Variants in SART3 observed in about 807,000 individuals in gnomAD.
The protein encoded by SART3 is spliceosome associated factor 3, U4/U6 recycling protein, also known as HIV-1 Tat-interacting protein of 110kDa.
A neutral mutation model predicts 122.3 loss-of-function variants in SART3; 44 were observed. The ratio of observed to expected loss-of-function variants is 0.36; its 90% CI spans 0.28 to 0.46. SART3 has a LOEUF of 0.46. SART3 is among the 20% of genes least tolerant of loss of function. SART3 has a pLI of 1.00. For missense variants in SART3, 1,101 were observed against 1,229.0 expected, an observed-to-expected ratio of 0.90 and a Z score of 1.56; for synonymous variants, 442 against 454.0, an observed-to-expected ratio of 0.97 and a Z score of 0.34.
At chr12:108,527,170 G>A (rs748801297) in intron 15 of SART3, among the ~76,000 whole-genome samples, 12 of 152,146 alleles carry the variant, frequency 7.9e-5, no homozygotes, top group Non-Finnish European at 1.3e-4. Context: ...CCAATGCAAC[G>A]TAAGCCCTGC....
rs2029888031 is a variant in SART3 at position 108,549,091 on chromosome 12, C to T, written c.436G>A (p.Glu146Lys). 5.0e-6 allele frequency: 8 copies of T among 1,613,968 alleles called. No individual in the cohort carries two copies. The highest frequency in any genetic ancestry group is 4.0e-5 in the African/African-American group (3 of 74,936). The change falls in exon 2 of 19, where the codon GAA becomes AAA. Residue 146 changes from glutamate (E) to lysine (K), a missense_variant. By Grantham distance (56) the Glu-to-Lys change is moderately conservative (BLOSUM62 1). Around this residue, in one of 2 missense-constraint regions of SART3, gnomAD observed 885 missense variants for 1,080.1 expected, o/e 0.82. Transcript: ENST00000546815. Reference protein sequence around the residue: ...QKMSEIFPLTEELWLEWLHDE... With the variant: ...QKMSEIFPLTKELWLEWLHDE... ...CAGCCTGACTGCTGAAGCTTACCTTCAGTCAAGGGAAAGATTTCACTCATC... is the reference window on the plus strand; with the variant it reads ...CAGCCTGACTGCTGAAGCTTACCTTTAGTCAAGGGAAAGATTTCACTCATC...
intron 9 of SART3, 99 bp from the exon 10 acceptor site, chr12:108,536,884 C>T (rs899319350): frequency 1.2e-5 from 13 of 1,045,654 alleles, no homozygotes; most frequent in Middle Eastern, 2.2e-4. Context: ...CCACTATGTA[C>T]CTGGCATCAT....
rs545615190 is a variant in SART3 at position 108,558,243 on chromosome 12, T to C, written c.312+2600A>G. ...AAGGCCAAGTTTCTCACAGACCTAT[T>C]TGGAAGCAATTCATCATTATGCTCC... On this transcript the variant is annotated intron_variant, in intron 1 of 18. Coordinates refer to ENST00000546815, the MANE Select transcript of SART3 (RefSeq NM_014706.4). Among the ~76,000 whole-genome samples, 5 of 152,212 alleles carry C rather than the reference T, an allele frequency of 3.3e-5. No individual in the cohort carries two copies. In the South Asian group the frequency reaches 1.0e-3, roughly 32 times the overall value.
At position 108,522,769 on chromosome 12, in the gene SART3, C is replaced by T. The variant is rs1872184841; in HGVS notation, c.*688G>A. On this transcript the variant is annotated 3_prime_UTR_variant, in exon 19 of 19. Transcript: ENST00000546815. ...CATGGTATTAAACAAAACCAAAGGG[C>T]TGAAACTCATGTTTAGACAACACAG... The T allele has an allele frequency of 6.5e-6, 1 of 152,902 alleles. No homozygotes were observed. The highest frequency in any genetic ancestry group is 1.5e-5 in the Non-Finnish European group (1 of 68,564). 9.5% of individuals were successfully genotyped at this position (152,902 alleles called of 1,614,324 possible). A position where few individuals can be genotyped will look rare whatever the true frequency, so the allele number is the denominator to read the frequency against.
chr12:108,541,980 A>C (rs901443837), intron 6 of SART3, among the ~76,000 whole-genome samples: 3 of 142,836 alleles, frequency 2.1e-5, no homozygotes, highest in African/African-American at 5.2e-5. Flanking sequence ...GACTACAGAC[A>C]CATGCCACCA....
chr12:108,544,572 CTTTCTT>C, intron 4 of SART3, 94 bp from the exon 5 acceptor site: 2 of 1,568,346 alleles, frequency 1.3e-6, no homozygotes, highest in Non-Finnish European at 1.8e-6. Context: ...AACTGTGGTT[CTTTCTT>C]TTTCTTTTGA....
intron 1 of SART3, 100 bp downstream of exon 1, chr12:108,560,743 G>A: frequency 9.0e-7 from 1 of 1,116,336 alleles, no homozygotes; most frequent in East Asian, 2.6e-5. Context: ...TGCAGCCTTG[G>A]CGGCTTTATC....
In SART3 at chr12:108,528,778, T is replaced by C. The variant is rs372554062; in HGVS notation, c.1915+1364A>G. Among the ~76,000 whole-genome samples the C allele has an allele frequency of 4.0e-5, 6 of 150,768 alleles. No individual in the cohort carries two copies. In the South Asian group the frequency reaches 1.3e-3, roughly 32 times the overall value. ...ACATACCTACAGGGGCCGGGTGGAG[T>C]AACTGAGGATGCTGAGAATAGAGGG... is the stretch of plus-strand genomic sequence containing the variant. On this transcript the variant is annotated intron_variant, in intron 15 of 18. Coordinates refer to ENST00000546815, the MANE Select transcript of SART3 (RefSeq NM_014706.4).
At position 108,524,449 on chromosome 12, in the gene SART3, T is replaced by A; in HGVS notation, c.2581A>T (p.Met861Leu). ...ESQASQAVMK[M>L]DGMTIKENII... The stretch of plus-strand genomic sequence containing the variant: ...TTCTCTTTGATAGTCATGCCGTCCA[T>A]CTTCATCACAGCCTGCGACGCCTGG... The change falls in exon 18 of 19, where the codon ATG becomes TTG. Residue 861 changes from methionine to leucine, a missense_variant. Coordinates refer to ENST00000546815, the MANE Select transcript of SART3 (RefSeq NM_014706.4). The A allele has an allele frequency of 6.2e-7, 1 of 1,614,206 alleles. No individual in the cohort carries two copies. The highest frequency in any genetic ancestry group is 2.2e-5 in the East Asian group (1 of 44,888).
chr12:108,560,963 C>G lies in SART3; in HGVS notation c.192G>C (p.Glu64Asp). The change falls in exon 1 of 19, where the codon GAG (glutamate) becomes GAC (aspartate). Residue 64 changes from glutamate to aspartate, a missense_variant. Coordinates refer to ENST00000546815, the MANE Select transcript of SART3 (RefSeq NM_014706.4). ...CCATGGCGTACTCATCCCCATCGCT[C>G]TCGCTCACGCCTTCCTCCTGCTGAT... Reference protein sequence around the residue: ...AWDQQEEGVSESDGDEYAMAS... With the variant: ...AWDQQEEGVSDSDGDEYAMAS... 1 of 1,614,118 alleles carries G rather than the reference C, an allele frequency of 6.2e-7. No homozygotes were observed. The highest frequency in any genetic ancestry group is 8.5e-7 in the Non-Finnish European group (1 of 1,180,002).
chr12:108,544,202 G>C (rs1452708882), intron 5 of SART3, among the ~76,000 whole-genome samples: 5 of 152,190 alleles, frequency 3.3e-5, no homozygotes, highest in African/African-American at 1.2e-4. Context: ...GGGAGTCAGG[G>C]AGTCTGGCTT....
At chr12:108,537,937 C>A in intron 8 of SART3, 128 bp downstream of exon 8, 1 of 1,209,978 alleles carries the variant, frequency 8.3e-7, no homozygotes, top group Non-Finnish European at 1.2e-6. Context: ...ACTCAGAGCC[C>A]TTTTTGTCAC....
chr12:108,552,941 C>T (rs2030069139), intron 1 of SART3, among the ~76,000 whole-genome samples: 1 of 152,046 alleles, frequency 6.6e-6, no homozygotes, highest in Non-Finnish European at 1.5e-5. Context: ...GATACTAAAA[C>T]CTACAATACA....
In SART3 at chr12:108,523,391, G is replaced by A; in HGVS notation, c.*66C>T. On this transcript the variant is annotated 3_prime_UTR_variant, in exon 19 of 19. Transcript: ENST00000546815. The stretch of plus-strand genomic sequence containing the variant: ...CAGGCCTGTCCATCCCCAGTGCACT[G>A]CTGGGTGGTGGGAGGTCCGCCGGGC... The A allele has an allele frequency of 2.0e-6, 3 of 1,538,082 alleles. No individual in the cohort carries two copies. The East Asian group carries it at 6.7e-5, about 35-fold the overall frequency.
chr12:108,529,116 C>A (rs538809943), intron 15 of SART3, among the ~76,000 whole-genome samples: 1 of 152,272 alleles, frequency 6.6e-6, no homozygotes, highest in Non-Finnish European at 1.5e-5. Context: ...AAGCGAGACT[C>A]TGTCTCAAAA....
At position 108,524,440 on chromosome 12, in the gene SART3, T is replaced by A. The variant is rs1314544552; in HGVS notation, c.2590A>T (p.Met864Leu). Residue 864 changes from methionine (M) to leucine (L), a missense_variant, in exon 18 of 19, where the codon ATG (methionine) becomes TTG (leucine). This residue lies in a region of SART3 where 885 missense variants were observed against 1,080.1 expected (regional missense o/e 0.82). Transcript: ENST00000546815. ...ASQAVMKMDGMTIKENIIKVA... is the reference protein window; with the variant it reads ...ASQAVMKMDGLTIKENIIKVA... ...TTGATGATGTTCTCTTTGATAGTCA[T>A]GCCGTCCATCTTCATCACAGCCTGC... is the stretch of plus-strand genomic sequence containing the variant. 1 of 1,614,204 alleles carries A rather than the reference T, an allele frequency of 6.2e-7. No homozygotes were observed. Among genetic ancestry groups the A allele is most frequent in the Non-Finnish European group, 8.5e-7 (1 of 1,180,012 alleles).
intron 11 of SART3, 186 bp from the exon 12 acceptor site, chr12:108,535,654 G>A (rs1872871859): frequency 1.6e-6 from 1 of 641,404 alleles, no homozygotes; most frequent in East Asian, 2.9e-5. Flanking sequence ...GAGCCTTTCT[G>A]CAGCCACAAG....
intron 12 of SART3, chr12:108,532,537 C>T (rs1872724708): frequency 3.7e-6 from 2 of 533,580 alleles, no homozygotes; most frequent in Non-Finnish European, 3.4e-6. Context: ...GAAGCACTCT[C>T]TCCCTCAGCC....
chr12:108,528,461 C>G (rs1358662904), intron 15 of SART3, among the ~76,000 whole-genome samples: 1 of 136,798 alleles, frequency 7.3e-6, no homozygotes, highest in Non-Finnish European at 1.5e-5. Flanking sequence ...CCAGCCTGGG[C>G]GACAGAGCGA....
Sources: allele counts gnomAD v4.1 joint callset (sites outside exome capture counted in the v4.1 genomes callset), GRCh38; gene constraint gnomAD v4.1.1; regional missense constraint gnomAD v4.1.1; transcripts MANE v1.5; gene names NCBI Gene and HGNC (gene_info 2026-07-23, HGNC 2026-07-21).